TTC6: variants seen among roughly 807,000 people sequenced by gnomAD.
TTC6 encodes the protein tetratricopeptide repeat protein 6.
TTC6 carries 172 observed loss-of-function variants against 210.4 expected under a neutral mutation model. That is an observed-to-expected ratio of 0.82 (90% CI 0.72 to 0.93). TTC6 has a LOEUF of 0.93. Among genes scored for constraint, TTC6 ranks in the 40% least tolerant of loss-of-function variants. The pLI, the probability that TTC6 is intolerant of heterozygous loss-of-function variation, is 0.00. For missense variants in TTC6, 2,414 were observed against 2,318.1 expected, an observed-to-expected ratio of 1.04 and a Z score of -0.85; for synonymous variants, 804 against 819.6, an observed-to-expected ratio of 0.98 and a Z score of 0.32.
At chr14:37,840,786 G>A (rs1036023146) in intron 29 of TTC6, among the ~76,000 whole-genome samples, 1 of 151,866 alleles carries the variant, frequency 6.6e-6, no homozygotes, top group Non-Finnish European at 1.5e-5. Context: ...TCCTGTTGTT[G>A]TGGCCTTCTT....
intron 16 of TTC6, 145 bp downstream of exon 18, chr14:37,790,982 C>T: frequency 1.4e-6 from 1 of 693,934 alleles, no homozygotes; most frequent in Non-Finnish European, 2.3e-6. Context: ...TAGAATACTA[C>T]TTCTAAAAAC....
chr14:37,789,474 G>A (rs1343664459), intron 15 of TTC6, among the ~76,000 whole-genome samples: 1 of 151,456 alleles, frequency 6.6e-6, no homozygotes. Flanking sequence ...TGATGTTTCG[G>A]TCAAAAACGG....
chr14:37,598,730 C>T lies in TTC6; in HGVS notation c.-235+2722C>T, dbSNP rs1405200999. 6.6e-6 allele frequency among the ~76,000 whole-genome samples: 1 copy of T among 152,172 alleles called. No homozygotes were observed. Among genetic ancestry groups the T allele is most frequent in the Non-Finnish European group, 1.5e-5 (1 of 68,038 alleles). On this transcript the variant is annotated intron_variant, in intron 1 of 2. Coordinates refer to the TTC6 transcript ENST00000556845. The surrounding 1 kb of genome is among the most constrained non-coding windows in gnomAD (Gnocchi z 4.9). ...CAGGGTCCTTCCTATTTAGCAGGAC[C>T]GCAGGGTTGGCAGACAGCAGGGCCT...
chr14:37,818,119 A>C (rs1442687497), intron 26 of TTC6, among the ~76,000 whole-genome samples: 1 of 152,170 alleles, frequency 6.6e-6, no homozygotes, highest in Non-Finnish European at 1.5e-5. Context: ...AACGTAACTA[A>C]ATATAATACT....
chr14:37,643,852 C>A (rs774419619), intron 1 of TTC6, among the ~76,000 whole-genome samples: 1 of 152,124 alleles, frequency 6.6e-6, no homozygotes, highest in East Asian at 1.9e-4. Context: ...AGCTGAGACA[C>A]TTTTCATTGT....
chr14:37,626,757 CA>C (rs1302097704), intron 1 of TTC6, among the ~76,000 whole-genome samples: 2 of 152,124 alleles, frequency 1.3e-5, no homozygotes, highest in African/African-American at 2.4e-5. Context: ...AAATCTGCAA[CA>C]AAAGCCTGCT....
chr14:37,772,158 C>G (rs1012010189), intron 14 of TTC6, among the ~76,000 whole-genome samples: 4 of 152,196 alleles, frequency 2.6e-5, no homozygotes, highest in African/African-American at 9.7e-5. Context: ...GCAGTCTGCC[C>G]GTTCTCAGAT....
intron 1 of TTC6, among the ~76,000 whole-genome samples, chr14:37,677,105 TG>T (rs1435324250): frequency 6.6e-6 from 1 of 152,074 alleles, no homozygotes; most frequent in Non-Finnish European, 1.5e-5. Flanking sequence ...AAAAGGCCCT[TG>T]TTTTTTTGAT....
At chr14:37,793,376 C>G (rs1352794792) in intron 17 of TTC6, among the ~76,000 whole-genome samples, 7 of 152,210 alleles carry the variant, frequency 4.6e-5, no homozygotes, top group Admixed American at 4.6e-4. Context: ...AACCCAAAAA[C>G]CAAACCTTCA....
chr14:37,715,697 T>C (rs1210458971), intron 6 of TTC6, among the ~76,000 whole-genome samples: 2 of 152,174 alleles, frequency 1.3e-5, no homozygotes, highest in Non-Finnish European at 2.9e-5. Context: ...ACAGAACATT[T>C]TTCAAGTGCT....
At chr14:37,825,340 A>C (rs1353910875) in intron 27 of TTC6, among the ~76,000 whole-genome samples, 1 of 152,136 alleles carries the variant, frequency 6.6e-6, no homozygotes, top group Non-Finnish European at 1.5e-5. Context: ...CAGAGAGAGA[A>C]GATTTGATGG....
intron 26 of TTC6, among the ~76,000 whole-genome samples, chr14:37,821,772 C>CTTTTTTTTTTTTTTTTTTTT (rs35078384): frequency 1.4e-5 from 1 of 69,148 alleles, no homozygotes; most frequent in African/African-American, 6.7e-5. Flanking sequence ...AAGAGCTAGT[C>CTTTTTTTTTTTTTTTTTTTT]TTTTTTTTTT....
At chr14:37,839,651 A>T (rs190282565) in intron 29 of TTC6, among the ~76,000 whole-genome samples, 1 of 152,288 alleles carries the variant, frequency 6.6e-6, no homozygotes, top group East Asian at 1.9e-4. Context: ...CTTTAGTTTA[A>T]TTAGATCTCG....
chr14:37,770,148 T>C (rs2096013251), intron 14 of TTC6, among the ~76,000 whole-genome samples: 1 of 151,874 alleles, frequency 6.6e-6, no homozygotes, highest in Non-Finnish European at 1.5e-5. Context: ...TCTAGTTTGA[T>C]TGCACTGTGG....
At chr14:37,782,548 G>A (rs12891039) in intron 14 of TTC6, among the ~76,000 whole-genome samples, 1,667 of 146,530 alleles carry the variant, frequency 0.011, 25 homozygotes, top group Non-Finnish European at 0.018. Flanking sequence ...GGGGTTTTCT[G>A]AATATACAAT....
intron 1 of TTC6, among the ~76,000 whole-genome samples, chr14:37,659,448 T>C (rs926410628): frequency 6.6e-6 from 1 of 152,154 alleles, no homozygotes; most frequent in African/African-American, 2.4e-5. Flanking sequence ...CAGCATCTGT[T>C]ATTTTTTCGA....
Position 37,696,705 on chromosome 14 carries a change from AT to A in TTC6, c.1258-8del, listed in dbSNP as rs768013866. The A allele has an allele frequency of 2.5e-5, 35 of 1,380,210 alleles. No homozygotes were observed. In the Admixed American group the frequency reaches 7.5e-4, roughly 29 times the overall value. The allele number at this position is 1,380,210 out of a possible 1,614,324, so 85.5% of individuals were successfully genotyped here. On this transcript the variant is annotated splice_polypyrimidine_tract_variant and intron_variant, in intron 3 of 30. Transcript: ENST00000553443. ...ATCTTCTCTTAACAGCACACTTTAT[AT>A]TTTCTTAAAGGCAAAATCACCAGAA...
chr14:37,606,061 G>A (rs1052863355), intron 1 of TTC6, among the ~76,000 whole-genome samples: 6 of 152,192 alleles, frequency 3.9e-5, no homozygotes, highest in South Asian at 2.1e-4. Flanking sequence ...TTAGAACCCC[G>A]TTGGAGTTTG....
At chr14:37,660,268 T>C (rs1017915899) in intron 1 of TTC6, among the ~76,000 whole-genome samples, 6 of 152,114 alleles carry the variant, frequency 3.9e-5, no homozygotes, top group Non-Finnish European at 8.8e-5. Flanking sequence ...GTGCAGGATG[T>C]GCAGGTTTGT....
Sources: gnomAD v4.1 joint callset for allele counts (sites outside exome capture counted in the v4.1 genomes callset) on GRCh38, gnomAD v4.1.1 for gene constraint, Gnocchi (gnomAD v3.1) non-coding constraint, MANE v1.5 for transcripts, NCBI Gene and HGNC (gene_info 2026-07-23, HGNC 2026-07-21) for gene names.